Variants in ADGRL3 observed in about 807,000 individuals in gnomAD.
ADGRL3 encodes the protein adhesion G protein-coupled receptor L3.
ADGRL3 carries 62 observed loss-of-function variants against 153.5 expected under a neutral mutation model. The ratio of observed to expected loss-of-function variants is 0.40; its 90% CI spans 0.33 to 0.50. The LOEUF is 0.50. Among genes scored for constraint, ADGRL3 ranks in the 20% least tolerant of loss-of-function variants. The probability of loss-of-function intolerance (pLI) is 0.47; values close to 1 mark genes in which losing one functional copy is unlikely to be tolerated. For missense variants in ADGRL3, 1,641 were observed against 1,859.4 expected, an observed-to-expected ratio of 0.88 and a Z score of 2.16; for synonymous variants, 710 against 672.5, an observed-to-expected ratio of 1.06 and a Z score of -0.86.
At chr4:61,989,234 T>G (rs965616255) in intron 19 of ADGRL3, among the ~76,000 whole-genome samples, 5 of 152,094 alleles carry the variant, frequency 3.3e-5, no homozygotes, top group African/African-American at 1.2e-4. Context: ...TTTAATTATT[T>G]TGTTCACAAT....
chr4:61,456,405 A>ATATATAGATATATCTATATC (rs2097746346), intron 2 of ADGRL3, among the ~76,000 whole-genome samples: 2 of 53,894 alleles, frequency 3.7e-5, no homozygotes, highest in Admixed American at 2.5e-4. Context: ...ATCTATATCT[A>ATATATAGATATATCTATATC]TATATATATA....
Position 61,332,126 on chromosome 4 carries a change from A to G in ADGRL3, c.-239-50998A>G, listed in dbSNP as rs184235827. Reference sequence around the variant, plus strand: ...GAACAGGAATTAATAATACCCATGAACAAGAGAGAACCTTTGGAAATTTAC... The same window carrying G: ...GAACAGGAATTAATAATACCCATGAGCAAGAGAGAACCTTTGGAAATTTAC... On this transcript the variant is annotated intron_variant, in intron 1 of 26. Transcript: ENST00000683033. Among the ~76,000 whole-genome samples the G allele has an allele frequency of 5.9e-5, 9 of 152,302 alleles. No homozygotes were observed. In the East Asian group the frequency reaches 1.7e-3, roughly 29 times the overall value.
intron 16 of ADGRL3, 135 bp downstream of exon 16, chr4:61,947,257 G>A (rs1329473835): frequency 1.4e-6 from 1 of 710,022 alleles, no homozygotes; most frequent in East Asian, 2.7e-5. Context: ...CAATGTAGTG[G>A]TAATTTTTTT....
At chr4:61,922,996 A>G (rs2098777321) in intron 13 of ADGRL3, among the ~76,000 whole-genome samples, 1 of 152,212 alleles carries the variant, frequency 6.6e-6, no homozygotes, top group African/African-American at 2.4e-5. Flanking sequence ...CTTTCTAAGG[A>G]AGTGATAGGC....
intron 1 of ADGRL3, among the ~76,000 whole-genome samples, chr4:61,333,440 C>T (rs184180523): frequency 2.6e-5 from 4 of 152,140 alleles, no homozygotes; most frequent in Non-Finnish European, 5.9e-5. Context: ...AATTAAAAGC[C>T]ACCTTAATTG....
At chr4:61,748,926 C>T (rs565130798) in intron 8 of ADGRL3, among the ~76,000 whole-genome samples, 2 of 151,100 alleles carry the variant, frequency 1.3e-5, no homozygotes, top group African/African-American at 4.9e-5. Context: ...AACAGGCAAC[C>T]TACAAAATGG....
intron 3 of ADGRL3, among the ~76,000 whole-genome samples, chr4:61,513,571 C>T (rs759430467): frequency 4.6e-5 from 7 of 152,140 alleles, no homozygotes; most frequent in East Asian, 1.9e-4. Flanking sequence ...TTATATTTCA[C>T]GCTTGCCCAC....
chr4:62,016,366 T>C (rs190766172), intron 21 of ADGRL3, among the ~76,000 whole-genome samples: 4 of 152,246 alleles, frequency 2.6e-5, no homozygotes, highest in Admixed American at 1.3e-4. Flanking sequence ...CTATTCTATA[T>C]TTTATTTGTC....
chr4:61,553,999 AG>A (rs2148857778), intron 4 of ADGRL3, among the ~76,000 whole-genome samples: 1 of 152,132 alleles, frequency 6.6e-6, no homozygotes, highest in Admixed American at 6.5e-5. Flanking sequence ...CGGAGAACAG[AG>A]GAGAAAGCTT....
chr4:62,053,784 AT>A (rs1242007695), intron 25 of ADGRL3, among the ~76,000 whole-genome samples: 2 of 151,532 alleles, frequency 1.3e-5, no homozygotes, highest in Admixed American at 1.3e-4. Context: ...ATAGCTTCCA[AT>A]TTAAAAGATC....
At chr4:61,329,578 T>A (rs1055177287) in intron 1 of ADGRL3, among the ~76,000 whole-genome samples, 1 of 152,160 alleles carries the variant, frequency 6.6e-6, no homozygotes, top group Non-Finnish European at 1.5e-5. Flanking sequence ...CAAAAATAAA[T>A]TTTGTTAAAT....
chr4:61,662,648 G>A (rs1287430249), intron 5 of ADGRL3, among the ~76,000 whole-genome samples: 2 of 152,186 alleles, frequency 1.3e-5, no homozygotes, highest in Non-Finnish European at 2.9e-5. Context: ...GCAGGAGGCC[G>A]ACAGACTTCT....
intron 4 of ADGRL3, among the ~76,000 whole-genome samples, chr4:61,574,874 A>G (rs1409766656): frequency 6.6e-6 from 1 of 151,926 alleles, no homozygotes; most frequent in Non-Finnish European, 1.5e-5. Flanking sequence ...TGGCTAATTT[A>G]TATGAGAAAA....
At chr4:61,404,873 C>T (rs2096974337) in intron 2 of ADGRL3, among the ~76,000 whole-genome samples, 1 of 151,958 alleles carries the variant, frequency 6.6e-6, no homozygotes, top group African/African-American at 2.4e-5. Flanking sequence ...TGATGTTTTA[C>T]TGTATTACTA....
intron 9 of ADGRL3, among the ~76,000 whole-genome samples, chr4:61,875,412 T>C (rs2149430996): frequency 6.6e-6 from 1 of 152,334 alleles, no homozygotes; most frequent in Non-Finnish European, 1.5e-5. Context: ...TTATTGAATC[T>C]CTCTCTACCC....
At chr4:61,535,617 T>C (rs1053702589) in intron 4 of ADGRL3, among the ~76,000 whole-genome samples, 1 of 152,048 alleles carries the variant, frequency 6.6e-6, no homozygotes, top group Non-Finnish European at 1.5e-5. Flanking sequence ...TTTTCATAAC[T>C]AATTATTGGC....
chr4:62,023,211 T>C (rs1014545872), intron 21 of ADGRL3, among the ~76,000 whole-genome samples: 3 of 152,098 alleles, frequency 2.0e-5, no homozygotes, highest in Non-Finnish European at 4.4e-5. Context: ...ACTGCAGATG[T>C]GGTGGAAATA....
At chr4:61,997,492 A>G (rs2099125753) in intron 20 of ADGRL3, among the ~76,000 whole-genome samples, 1 of 150,828 alleles carries the variant, frequency 6.6e-6, no homozygotes, top group African/African-American at 2.4e-5. Context: ...CAAGTTGTGG[A>G]ATACATAAAT....
At chr4:61,240,372 T>C (rs1754443669) in intron 1 of ADGRL3, among the ~76,000 whole-genome samples, 1 of 152,060 alleles carries the variant, frequency 6.6e-6, no homozygotes, top group African/African-American at 2.4e-5. Flanking sequence ...AATTTTGGGG[T>C]ACAAATACAT....
Sources: allele counts gnomAD v4.1 joint callset (sites outside exome capture counted in the v4.1 genomes callset), GRCh38; gene constraint gnomAD v4.1.1; transcripts MANE v1.5; gene names NCBI Gene and HGNC (gene_info 2026-07-23, HGNC 2026-07-21).